Variants in NUDCD3 observed in about 807,000 individuals in gnomAD.
The protein encoded by NUDCD3 is NudC domain containing 3.
In NUDCD3, 13 loss-of-function variants were observed where a neutral mutation model predicts 39.7. That is an observed-to-expected ratio of 0.33 (90% CI 0.21 to 0.52). The LOEUF is 0.52. Ranked by LOEUF, NUDCD3 falls within the 20% of genes least tolerant of loss-of-function variation. The pLI, the probability that NUDCD3 is intolerant of heterozygous loss-of-function variation, is 0.96. For synonymous variants in NUDCD3, 175 were observed against 172.4 expected (o/e 1.02, Z -0.12); for missense variants, 453 against 458.1 (o/e 0.99, Z 0.10).
At chr7:44,414,545 C>T (rs924212930) in intron 3 of NUDCD3, among the ~76,000 whole-genome samples, 14 of 152,120 alleles carry the variant, frequency 9.2e-5, no homozygotes, top group African/African-American at 3.4e-4. Context: ...TGAAATATCC[C>T]CAAAACCAGT....
chr7:44,412,973 T>C (rs1027059392), intron 3 of NUDCD3, among the ~76,000 whole-genome samples: 2 of 148,614 alleles, frequency 1.3e-5, no homozygotes, highest in African/African-American at 2.5e-5. Flanking sequence ...CCATTGACCA[T>C]TGGCAGAATT....
At chr7:44,435,087 C>T (rs1352526424) in intron 2 of NUDCD3, among the ~76,000 whole-genome samples, 1 of 148,374 alleles carries the variant, frequency 6.7e-6, no homozygotes, top group Non-Finnish European at 1.5e-5. Flanking sequence ...AGTAATTCTA[C>T]ACTTCTTTAT....
rs981260732 is a variant in NUDCD3, at chr7:44,380,968, C to T, written c.*5043G>A. The stretch of plus-strand genomic sequence containing the variant: ...AAGAAGGGCTTGGGGCAGTGCTCCG[C>T]TGGCAGGCAGACAAGGCAGGCAGGG... On this transcript the variant is annotated 3_prime_UTR_variant, in exon 6 of 6. Coordinates refer to ENST00000355451, the MANE Select transcript of NUDCD3 (RefSeq NM_015332.4). The T allele has an allele frequency of 4.6e-5, 7 of 152,342 alleles. No individual in the cohort carries two copies. Among genetic ancestry groups the T allele is most frequent in the Non-Finnish European group, 1.0e-4 (7 of 68,104 alleles). The allele number at this position is 152,342 out of a possible 1,614,324, so 9.4% of individuals were successfully genotyped here.
At chr7:44,405,227 A>C (rs1798796373) in intron 3 of NUDCD3, among the ~76,000 whole-genome samples, 1 of 152,208 alleles carries the variant, frequency 6.6e-6, no homozygotes, top group Non-Finnish European at 1.5e-5. Flanking sequence ...TTACAAAACC[A>C]AGCCTCTAAA....
intron 4 of NUDCD3, among the ~76,000 whole-genome samples, chr7:44,397,454 G>A (rs990538464): frequency 6.6e-6 from 1 of 152,136 alleles, no homozygotes; most frequent in Admixed American, 6.5e-5. Flanking sequence ...AGAGCACCAG[G>A]TGCCCCATCT....
intron 2 of NUDCD3, among the ~76,000 whole-genome samples, chr7:44,465,952 T>C (rs1278794693): frequency 3.3e-5 from 5 of 152,154 alleles, no homozygotes; most frequent in South Asian, 2.1e-4. Context: ...AAATCACAGA[T>C]GCTTGGCCCC....
At chr7:44,472,990 A>G (rs1252992400) in intron 2 of NUDCD3, among the ~76,000 whole-genome samples, 1 of 152,210 alleles carries the variant, frequency 6.6e-6, no homozygotes, top group Non-Finnish European at 1.5e-5. Flanking sequence ...TGATATTCAT[A>G]CACATGTTCC....
At chr7:44,458,649 ACT>A (rs1240936098) in intron 2 of NUDCD3, among the ~76,000 whole-genome samples, 2 of 146,866 alleles carry the variant, frequency 1.4e-5, no homozygotes, top group East Asian at 1.9e-4. Flanking sequence ...CAAGAGCGAA[ACT>A]CTGTCTCGGG....
chr7:44,456,402 A>ACTCCT (rs1303411613), intron 2 of NUDCD3, among the ~76,000 whole-genome samples: 1 of 152,206 alleles, frequency 6.6e-6, no homozygotes, highest in South Asian at 2.1e-4. Context: ...TACCAGCACA[A>ACTCCT]GGTTAAACTC....
chr7:44,412,853 G>C (rs992414955), intron 3 of NUDCD3, among the ~76,000 whole-genome samples: 2 of 151,268 alleles, frequency 1.3e-5, no homozygotes, highest in Non-Finnish European at 2.9e-5. Flanking sequence ...CGTGAACCCA[G>C]GGGGCGGAGC....
intron 5 of NUDCD3, among the ~76,000 whole-genome samples, chr7:44,386,845 G>A (rs1303804031): frequency 6.6e-6 from 1 of 152,170 alleles, no homozygotes; most frequent in Non-Finnish European, 1.5e-5. Context: ...ACATCAGGGA[G>A]ATTGGACCCT....
intron 2 of NUDCD3, among the ~76,000 whole-genome samples, chr7:44,436,648 T>C (rs1188627916): frequency 1.3e-5 from 2 of 152,212 alleles, no homozygotes; most frequent in Admixed American, 6.5e-5. Flanking sequence ...AATATAGCTT[T>C]AACTCACATT....
intron 2 of NUDCD3, among the ~76,000 whole-genome samples, chr7:44,456,042 A>C (rs1460547981): frequency 1.3e-4 from 18 of 138,656 alleles, no homozygotes; most frequent in African/African-American, 2.6e-4. Context: ...AAAAAAAAAA[A>C]AAAAAAAACA....
intron 2 of NUDCD3, among the ~76,000 whole-genome samples, chr7:44,472,618 T>C (rs1800276557): frequency 1.3e-5 from 2 of 152,238 alleles, no homozygotes; most frequent in South Asian, 2.1e-4. Flanking sequence ...TGCTAAAATG[T>C]ATTATAAAGC....
At chr7:44,434,563 C>T (rs886637658) in intron 2 of NUDCD3, among the ~76,000 whole-genome samples, 1 of 152,176 alleles carries the variant, frequency 6.6e-6, no homozygotes, top group Non-Finnish European at 1.5e-5. Context: ...GTGACCCCCC[C>T]GCCCCGCAAT....
At chr7:44,483,191 G>A (rs928876225) in intron 2 of NUDCD3, among the ~76,000 whole-genome samples, 1 of 152,052 alleles carries the variant, frequency 6.6e-6, no homozygotes, top group African/African-American at 2.4e-5. Flanking sequence ...ATAACTTCAA[G>A]GAACTGATAT....
intron 2 of NUDCD3, among the ~76,000 whole-genome samples, chr7:44,481,048 A>G (rs1800481339): frequency 6.6e-6 from 1 of 151,984 alleles, no homozygotes; most frequent in South Asian, 2.1e-4. Flanking sequence ...TATTCCCCAA[A>G]TAATACAGTG....
chr7:44,450,668 G>A (rs1799778634), intron 2 of NUDCD3, among the ~76,000 whole-genome samples: 1 of 151,950 alleles, frequency 6.6e-6, no homozygotes, highest in Non-Finnish European at 1.5e-5. Flanking sequence ...AACACTAAAT[G>A]TTAGGATGAA....
chr7:44,435,827 G>A (rs1799453449), intron 2 of NUDCD3, among the ~76,000 whole-genome samples: 1 of 152,124 alleles, frequency 6.6e-6, no homozygotes. Flanking sequence ...TGCCTATTGG[G>A]TACCCCTGCC....
Sources: gnomAD v4.1 joint callset for allele counts (sites outside exome capture counted in the v4.1 genomes callset) on GRCh38, gnomAD v4.1.1 for gene constraint, MANE v1.5 for transcripts, NCBI Gene and HGNC (gene_info 2026-07-23, HGNC 2026-07-21) for gene names.